COX7A2L: variants seen among roughly 807,000 people sequenced by gnomAD.
COX7A2L encodes cytochrome c oxidase subunit 7A2 like.
Under a neutral mutation model 14.2 loss-of-function variants are expected in COX7A2L, and 18 were observed. The observed-to-expected ratio is 1.27, with a 90% CI of 0.88 to 1.88. The LOEUF (loss-of-function observed/expected upper bound fraction) is 1.88, where lower values mean the gene tolerates loss of function less well. COX7A2L is among the 40% of genes most tolerant of loss of function. The pLI is 0.00. For synonymous variants in COX7A2L, 65 were observed against 57.4 expected (o/e 1.13, Z -0.60); for missense variants, 179 against 138.8 (o/e 1.29, Z -1.46).
chr2:42,359,300 T>G (rs1451493742), intron 1 of COX7A2L: 1 of 152,174 alleles, frequency 6.6e-6, no homozygotes, highest in Non-Finnish European at 1.5e-5. Flanking sequence ...AACTATCTAT[T>G]TATGATGATA....
intron 1 of COX7A2L, among the ~76,000 whole-genome samples, chr2:42,368,134 G>C (rs557321989): frequency 6.6e-6 from 1 of 152,194 alleles, no homozygotes; most frequent in East Asian, 1.9e-4. Flanking sequence ...AAGAACAACC[G>C]AGTGGGTGGA....
intron 2 of COX7A2L, among the ~76,000 whole-genome samples, chr2:42,351,825 T>G (rs1262050047): frequency 6.6e-6 from 1 of 152,062 alleles, no homozygotes; most frequent in African/African-American, 2.4e-5. Context: ...TAACTAAAAT[T>G]AGCCAGGTGT....
chr2:42,340,313 C>A (rs966782647), intron 2 of COX7A2L, among the ~76,000 whole-genome samples: 2 of 152,190 alleles, frequency 1.3e-5, no homozygotes, highest in Non-Finnish European at 2.9e-5. Flanking sequence ...GGGATCCATT[C>A]TTTTCTCTCG....
intron 1 of COX7A2L, among the ~76,000 whole-genome samples, chr2:42,354,119 T>C (rs1037767444): frequency 6.6e-5 from 10 of 152,312 alleles, no homozygotes; most frequent in African/African-American, 1.7e-4. Context: ...AAAAGGTACA[T>C]AGGTATCCAT....
upstream of COX7A2L, among the ~76,000 whole-genome samples, chr2:42,362,152 G>T (rs1671072735): frequency 6.6e-6 from 1 of 152,176 alleles, no homozygotes; most frequent in Non-Finnish European, 1.5e-5. Flanking sequence ...GTAAAATCTG[G>T]ACCTTGAGCC....
chr2:42,356,146 T>C (rs1406058641), intron 1 of COX7A2L, among the ~76,000 whole-genome samples: 1 of 152,224 alleles, frequency 6.6e-6, no homozygotes, highest in Non-Finnish European at 1.5e-5. Context: ...ATGTTCCCTC[T>C]GCCTAGAATG....
downstream of COX7A2L, among the ~76,000 whole-genome samples, chr2:42,346,565 G>A (rs2103880261): frequency 6.6e-6 from 1 of 152,204 alleles, no homozygotes; most frequent in East Asian, 1.9e-4. Context: ...ATTGCTTGAG[G>A]CCAGGAGTTC....
At chr2:42,359,818 T>C (rs1238683653) in intron 1 of COX7A2L, 1 of 151,144 alleles carries the variant, frequency 6.6e-6, no homozygotes, top group African/African-American at 2.4e-5. Flanking sequence ...TTCCTTCCCG[T>C]TCCCACCGCA....
chr2:42,360,730 A>G (rs1216957106), intron 1 of COX7A2L, among the ~76,000 whole-genome samples: 1 of 152,182 alleles, frequency 6.6e-6, no homozygotes, highest in African/African-American at 2.4e-5. Context: ...AACGACAAGG[A>G]GGCCGAAAGC....
At chr2:42,347,307 C>CA (rs71408096), downstream of COX7A2L, among the ~76,000 whole-genome samples, 6 of 135,048 alleles carry the variant, frequency 4.4e-5, no homozygotes, top group African/African-American at 8.0e-5. Context: ...AAACCAGCAC[C>CA]TTTTTTTTTT....
chr2:42,364,556 A>C (rs1671121890), upstream of COX7A2L, among the ~76,000 whole-genome samples: 1 of 152,190 alleles, frequency 6.6e-6, no homozygotes, highest in Non-Finnish European at 1.5e-5. Flanking sequence ...AACTCACTTT[A>C]TGATATTCAG....
At chr2:42,345,440 C>T (rs1165246415), downstream of COX7A2L, among the ~76,000 whole-genome samples, 1 of 152,028 alleles carries the variant, frequency 6.6e-6, no homozygotes, top group East Asian at 1.9e-4. Context: ...TTAGCTGGCT[C>T]CTCCTTCAAT....
intron 1 of COX7A2L, among the ~76,000 whole-genome samples, chr2:42,368,707 C>A (rs1406157743): frequency 6.6e-6 from 1 of 152,178 alleles, no homozygotes; most frequent in South Asian, 2.1e-4. Flanking sequence ...ACACAGTAAG[C>A]ACTCATTAAA....
intron 1 of COX7A2L, among the ~76,000 whole-genome samples, chr2:42,366,592 T>C (rs952077358): frequency 3.3e-5 from 5 of 152,208 alleles, no homozygotes; most frequent in Non-Finnish European, 7.3e-5. Context: ...AGATGGTATG[T>C]ACTGAAAAAG....
rs765619044 is a variant in COX7A2L at position 42,361,007 on chromosome 2, C to G, written c.72+83G>C. The G allele has an allele frequency of 4.1e-5, 61 of 1,480,936 alleles. No homozygotes were observed. The Admixed American group carries it at 6.0e-4, about 15-fold the overall frequency. The allele number at this position is 1,480,936 out of a possible 1,614,324, so 91.7% of individuals were successfully genotyped here. A position where few individuals can be genotyped will look rare whatever the true frequency, so the allele number is the denominator to read the frequency against. On this transcript the variant is annotated intron_variant, in intron 1 of 2. Transcript: ENST00000234301. Reference sequence around the variant, plus strand: ...AACTCGACCGCGGGCAGAAGCCTCCCCTGGCTCCAACGCCGCGACTGCCTG... The same window carrying G: ...AACTCGACCGCGGGCAGAAGCCTCCGCTGGCTCCAACGCCGCGACTGCCTG...
chr2:42,338,495 G>T lies in COX7A2L; in HGVS notation c.193-4626C>A, dbSNP rs1427337891. ...TCTGTGTTGATGTGGCCTGCCATGT[G>T]CTGCCCGTGAACATCTCCTCACCAG... On this transcript the variant is annotated intron_variant, in intron 2 of 2. Coordinates refer to the COX7A2L transcript ENST00000468711. The surrounding 1 kb of genome is among the most constrained non-coding windows in gnomAD (Gnocchi z 4.4). Among the ~76,000 whole-genome samples the T allele has an allele frequency of 6.6e-6, 1 of 152,162 alleles. No homozygotes were observed. Among genetic ancestry groups the T allele is most frequent in the Non-Finnish European group, 1.5e-5 (1 of 68,030 alleles).
intron 1 of COX7A2L, among the ~76,000 whole-genome samples, chr2:42,354,352 T>C (rs111517157): frequency 0.013 from 2,046 of 152,210 alleles, 46 homozygotes; most frequent in African/African-American, 0.046. Context: ...TAATCCAAAA[T>C]AACCTGTAAA....
upstream of COX7A2L, among the ~76,000 whole-genome samples, chr2:42,364,565 A>G (rs964436766): frequency 6.6e-6 from 1 of 152,216 alleles, no homozygotes; most frequent in Admixed American, 6.5e-5. Flanking sequence ...TATGATATTC[A>G]GAATGATGAC....
chr2:42,336,337 T>C (rs1003802786), intron 2 of COX7A2L, among the ~76,000 whole-genome samples: 1 of 152,204 alleles, frequency 6.6e-6, no homozygotes, highest in East Asian at 1.9e-4. Context: ...CCACTGCTGA[T>C]GATTACTAAG....
Sources: allele counts gnomAD v4.1 joint callset (sites outside exome capture counted in the v4.1 genomes callset), GRCh38; gene constraint gnomAD v4.1.1; non-coding constraint Gnocchi (gnomAD v3.1); transcripts MANE v1.5; gene names NCBI Gene and HGNC (gene_info 2026-07-23, HGNC 2026-07-21).